The following ERBB4 variants were observed in gnomAD, a reference collection of about 807,000 sequenced individuals.
ERBB4 encodes receptor tyrosine-protein kinase erbB-4.
A neutral mutation model predicts 158.0 loss-of-function variants in ERBB4; 42 were observed. That is an observed-to-expected ratio of 0.27 (90% CI 0.21 to 0.34). ERBB4 has a LOEUF of 0.34. ERBB4 is among the 10% of genes least tolerant of loss of function. ERBB4 has a pLI of 1.00. For synonymous variants in ERBB4, 583 were observed against 558.7 expected (o/e 1.04, Z -0.61); for missense variants, 1,333 against 1,624.1 (o/e 0.82, Z 3.08).
intron 4 of ERBB4, among the ~76,000 whole-genome samples, chr2:211,755,083 G>A (rs905619551): frequency 2.6e-5 from 4 of 152,070 alleles, no homozygotes; most frequent in East Asian, 1.9e-4. Context: ...CATGTAGCTC[G>A]GTGATAGGAG....
rs2067403547 is a variant in ERBB4 at position 211,561,892 on chromosome 2, C to T, written c.2487+11G>A. 1 of 1,611,622 alleles carries T rather than the reference C, an allele frequency of 6.2e-7. No individual in the cohort carries two copies. The highest frequency in any genetic ancestry group is 8.5e-7 in the Non-Finnish European group (1 of 1,178,122). ...AAAATGTAATTTCCATAGAAATTGA[C>T]AGGCACTTACCTTAGCTATCTGGAC... On this transcript the variant is annotated intron_variant, in intron 20 of 27. Coordinates refer to ENST00000342788, the MANE Select transcript of ERBB4 (RefSeq NM_005235.3).
chr2:211,610,615 A>C (rs1201328174), intron 19 of ERBB4, among the ~76,000 whole-genome samples: 3 of 152,164 alleles, frequency 2.0e-5, no homozygotes, highest in Non-Finnish European at 4.4e-5. Context: ...TCAGATTGGA[A>C]TAAGAAATTG....
At chr2:211,888,004 C>T (rs879511713) in intron 3 of ERBB4, among the ~76,000 whole-genome samples, 6 of 152,164 alleles carry the variant, frequency 3.9e-5, no homozygotes, top group Non-Finnish European at 5.9e-5. Flanking sequence ...ACCATTATAA[C>T]CATCATATAA....
chr2:212,534,994 T>A (rs931455711), intron 1 of ERBB4, among the ~76,000 whole-genome samples: 3 of 150,834 alleles, frequency 2.0e-5, no homozygotes, highest in African/African-American at 7.5e-5. Flanking sequence ...TAAATGAAAA[T>A]ATATATATAA....
intron 2 of ERBB4, among the ~76,000 whole-genome samples, chr2:211,961,329 T>C (rs1212300243): frequency 2.0e-5 from 3 of 152,142 alleles, no homozygotes; most frequent in Non-Finnish European, 4.4e-5. Context: ...GGCAGATTTG[T>C]TAGCAGCCCT....
intron 3 of ERBB4, among the ~76,000 whole-genome samples, chr2:211,897,932 T>A (rs897315855): frequency 6.6e-6 from 1 of 151,294 alleles, no homozygotes; most frequent in Admixed American, 6.6e-5. Context: ...AATATTTAAA[T>A]TTTTTTTTAA....
chr2:211,909,448 T>C (rs1054166441), intron 3 of ERBB4, among the ~76,000 whole-genome samples: 3 of 151,824 alleles, frequency 2.0e-5, no homozygotes, highest in Non-Finnish European at 4.4e-5. Context: ...CTAGATGGTA[T>C]AGCCTATTAC....
rs112722250 is a variant in ERBB4 at position 212,014,666 on chromosome 2, A to G, written c.235-67050T>C. 5.0e-3 allele frequency among the ~76,000 whole-genome samples: 762 copies of G among 152,196 alleles called. 4 individuals carry two copies. Among genetic ancestry groups the G allele is most frequent in the South Asian group, 8.7e-3 (42 of 4,820 alleles). ...ACCTCTCACATTGCTTTATTTGAACATGGAGACATAGCCTCTTTTCTCACT... is the reference window on the plus strand; with the variant it reads ...ACCTCTCACATTGCTTTATTTGAACGTGGAGACATAGCCTCTTTTCTCACT... On this transcript the variant is annotated intron_variant, in intron 2 of 27. Transcript: ENST00000342788.
At chr2:212,410,467 T>C (rs987070972) in intron 1 of ERBB4, among the ~76,000 whole-genome samples, 11 of 152,154 alleles carry the variant, frequency 7.2e-5, no homozygotes, top group Admixed American at 2.6e-4. Flanking sequence ...TACGTTTTAG[T>C]GTCTCATTTA....
chr2:212,015,348 G>C lies in ERBB4; in HGVS notation c.235-67732C>G, dbSNP rs533594255. On this transcript the variant is annotated intron_variant, in intron 2 of 27. Transcript: ENST00000342788. The stretch of plus-strand genomic sequence containing the variant: ...GTCAACAGAGATCTTTTTCTAAAAT[G>C]TAAATCTGTTTTTTGTCTTCAGTGA... Among the ~76,000 whole-genome samples, 13 of 151,940 alleles carry C rather than the reference G, an allele frequency of 8.6e-5. No individual in the cohort carries two copies. The South Asian group carries it at 2.7e-3, about 32-fold the overall frequency.
chr2:212,025,982 T>G (rs1215533509), intron 2 of ERBB4, among the ~76,000 whole-genome samples: 1 of 151,660 alleles, frequency 6.6e-6, no homozygotes, highest in Non-Finnish European at 1.5e-5. Context: ...GGGATGAGAG[T>G]AACTGTCCTG....
chr2:212,423,645 G>A (rs2091846323), intron 1 of ERBB4, among the ~76,000 whole-genome samples: 1 of 152,102 alleles, frequency 6.6e-6, no homozygotes, highest in Non-Finnish European at 1.5e-5. Context: ...TACCCATATA[G>A]CATAATCAAA....
At chr2:211,861,647 T>G (rs889067604) in intron 3 of ERBB4, among the ~76,000 whole-genome samples, 2 of 152,128 alleles carry the variant, frequency 1.3e-5, no homozygotes, top group Non-Finnish European at 2.9e-5. Flanking sequence ...ATGCACAATA[T>G]GTTCACACAC....
chr2:212,511,833 G>A (rs1275315412), intron 1 of ERBB4, among the ~76,000 whole-genome samples: 1 of 148,698 alleles, frequency 6.7e-6, no homozygotes, highest in East Asian at 1.9e-4. Flanking sequence ...TCAGAAGCTC[G>A]ACAATGTCAT....
chr2:211,579,602 G>A (rs776947085), intron 19 of ERBB4, among the ~76,000 whole-genome samples: 18 of 152,040 alleles, frequency 1.2e-4, no homozygotes, highest in Non-Finnish European at 2.1e-4. Context: ...TATTCACCAC[G>A]GAATACTATG....
At chr2:211,793,675 G>C (rs1272968327) in intron 3 of ERBB4, among the ~76,000 whole-genome samples, 1 of 151,874 alleles carries the variant, frequency 6.6e-6, no homozygotes, top group Non-Finnish European at 1.5e-5. Context: ...ATCCACCTAT[G>C]ATACTTAATA....
chr2:212,341,341 A>G (rs2088701400), intron 1 of ERBB4, among the ~76,000 whole-genome samples: 1 of 152,048 alleles, frequency 6.6e-6, no homozygotes, highest in Non-Finnish European at 1.5e-5. Flanking sequence ...AACAATTTTG[A>G]AAATATCCAG....
At chr2:211,574,242 G>C (rs751040513) in intron 19 of ERBB4, among the ~76,000 whole-genome samples, 1 of 152,174 alleles carries the variant, frequency 6.6e-6, no homozygotes, top group African/African-American at 2.4e-5. Context: ...CAGTTTTGCT[G>C]TCAGCACTTT....
chr2:211,629,926 C>A (rs531105649), intron 17 of ERBB4, among the ~76,000 whole-genome samples: 13 of 152,242 alleles, frequency 8.5e-5, no homozygotes, highest in Admixed American at 3.3e-4. Context: ...AAATGTTAGA[C>A]CTAAAACCAT....
Sources: allele counts gnomAD v4.1 joint callset (sites outside exome capture counted in the v4.1 genomes callset), GRCh38; gene constraint gnomAD v4.1.1; transcripts MANE v1.5; gene names NCBI Gene and HGNC (gene_info 2026-07-23, HGNC 2026-07-21).